MYBPC1: variants seen among roughly 807,000 people sequenced by gnomAD.
MYBPC1 encodes myosin-binding protein C, slow-type.
Under a neutral mutation model 147.1 loss-of-function variants are expected in MYBPC1, and 52 were observed. The observed-to-expected ratio is 0.35, with a 90% CI of 0.28 to 0.45. The LOEUF is 0.45. MYBPC1 is among the 20% of genes least tolerant of loss of function. The pLI, the probability that MYBPC1 is intolerant of heterozygous loss-of-function variation, is 1.00. For missense variants in MYBPC1, 1,228 were observed against 1,440.3 expected (o/e 0.85, Z 2.39); for synonymous variants, 477 against 475.9 (o/e 1.00, Z -0.03).
At chr12:101,623,998 C>T (rs1027976476) in intron 3 of MYBPC1, among the ~76,000 whole-genome samples, 5 of 152,066 alleles carry the variant, frequency 3.3e-5, no homozygotes, top group African/African-American at 1.2e-4. Flanking sequence ...TTGGGAGGTG[C>T]TAACGACCAT....
chr12:101,617,465 C>G (rs1313096022), intron 3 of MYBPC1, among the ~76,000 whole-genome samples: 1 of 152,196 alleles, frequency 6.6e-6, no homozygotes, highest in Non-Finnish European at 1.5e-5. Context: ...ATAAAAATAT[C>G]ACAAGCACTT....
intron 18 of MYBPC1, among the ~76,000 whole-genome samples, chr12:101,658,130 CAAAAA>C (rs34952207): frequency 1.1e-5 from 1 of 90,444 alleles, no homozygotes; most frequent in Admixed American, 1.1e-4. Context: ...GACTCCGTCT[CAAAAA>C]AAAAAAAAAA....
intron 12 of MYBPC1, among the ~76,000 whole-genome samples, chr12:101,645,733 A>G (rs1892959051): frequency 6.6e-6 from 1 of 152,208 alleles, no homozygotes; most frequent in Non-Finnish European, 1.5e-5. Context: ...GAAATTCCCA[A>G]AACAGTGTTT....
downstream of MYBPC1, among the ~76,000 whole-genome samples, chr12:101,686,901 T>C (rs1016339075): frequency 5.9e-5 from 9 of 152,198 alleles, no homozygotes; most frequent in Non-Finnish European, 1.3e-4. Context: ...TGGCTCTATA[T>C]ATCTCTGTTG....
chr12:101,674,011 C>G (rs1028716368), intron 25 of MYBPC1, among the ~76,000 whole-genome samples: 2 of 152,150 alleles, frequency 1.3e-5, no homozygotes, highest in Non-Finnish European at 2.9e-5. Flanking sequence ...TGAGATCATG[C>G]CACTGCACTC....
chr12:101,671,331 A>ACT (rs536485786), intron 24 of MYBPC1, among the ~76,000 whole-genome samples: 4,017 of 117,150 alleles, frequency 0.034, 184 homozygotes, highest in African/African-American at 0.1. Flanking sequence ...ACACACACAC[A>ACT]CACACACTCA....
At chr12:101,629,699 C>T (rs947453263) in intron 6 of MYBPC1, among the ~76,000 whole-genome samples, 155 bp downstream of exon 6, 2 of 152,020 alleles carry the variant, frequency 1.3e-5, no homozygotes, top group Non-Finnish European at 2.9e-5. Flanking sequence ...ATGGTGAAAC[C>T]CAGTCCCTAC....
chr12:101,631,978 A>G (rs1229098041), intron 7 of MYBPC1, 43 bp from the exon 8 acceptor site: 18 of 1,518,592 alleles, frequency 1.2e-5, no homozygotes, highest in Non-Finnish European at 1.6e-5. Flanking sequence ...AGAAATTTGG[A>G]AAATAAACTG....
chr12:101,669,928 GAAA>G (rs759220214), intron 23 of MYBPC1: 2 of 175,664 alleles, frequency 1.1e-5, no homozygotes, highest in South Asian at 4.1e-5. Context: ...GAGACTCTCT[GAAA>G]AAAAAAAAGA....
chr12:101,666,444 C>G lies in MYBPC1; in HGVS notation c.2357-1288C>G, dbSNP rs1897430298. 1.3e-5 allele frequency: 5 copies of G among 379,376 alleles called. 1 individual carries two copies. Among genetic ancestry groups the G allele is most frequent in the South Asian group, 1.2e-4 (5 of 42,832 alleles). The allele number at this position is 379,376 out of a possible 1,614,324, so 23.5% of individuals were successfully genotyped here. ...AGGGTCTTGCTTTGTTCTTCTCTAT[C>G]TCTTCTTCCCACCACTGGAGGTGTC... On this transcript the variant is annotated intron_variant, in intron 22 of 31. Transcript: ENST00000361466.
downstream of MYBPC1, among the ~76,000 whole-genome samples, chr12:101,688,953 CA>C (rs748533294): frequency 0.085 from 5,817 of 68,198 alleles, 211 homozygotes; most frequent in South Asian, 0.13. Flanking sequence ...GACCGTATCT[CA>C]AAAAAAAAAA....
At chr12:101,677,728 T>A (rs558920117) in intron 27 of MYBPC1, among the ~76,000 whole-genome samples, 80 of 152,344 alleles carry the variant, frequency 5.3e-4, no homozygotes, top group African/African-American at 1.8e-3. Context: ...TAGCTACACA[T>A]GGGACCCACT....
intron 9 of MYBPC1, among the ~76,000 whole-genome samples, chr12:101,636,106 T>C (rs1890933612): frequency 6.6e-6 from 1 of 152,216 alleles, no homozygotes; most frequent in South Asian, 2.1e-4. Flanking sequence ...CAGAAAGGAA[T>C]GCATCTTTTA....
Position 101,634,537 on chromosome 12 carries a change from T to C in MYBPC1, c.557-17T>C. 6.2e-7 allele frequency: 1 copy of C among 1,604,994 alleles called. No homozygotes were observed. The highest frequency in any genetic ancestry group is 2.2e-5 in the East Asian group (1 of 44,814). Reference sequence around the variant, plus strand: ...CCTTAATGGGTATTTATGTTATTGTTTTCTTTCCTTTCAAAGAATCTACTG... The same window carrying C: ...CCTTAATGGGTATTTATGTTATTGTCTTCTTTCCTTTCAAAGAATCTACTG... On this transcript the variant is annotated splice_polypyrimidine_tract_variant and intron_variant, in intron 8 of 31. Transcript: ENST00000361466.
chr12:101,634,810 G>A (rs1046599985), intron 9 of MYBPC1, among the ~76,000 whole-genome samples: 1 of 152,190 alleles, frequency 6.6e-6, no homozygotes, highest in Non-Finnish European at 1.5e-5. Context: ...TTTTTAGAAT[G>A]TTCTTGTTAT....
chr12:101,618,050 AG>A (rs1164454610), intron 3 of MYBPC1, among the ~76,000 whole-genome samples: 2 of 152,212 alleles, frequency 1.3e-5, no homozygotes, highest in Non-Finnish European at 2.9e-5. Context: ...TGAATAAAAA[AG>A]TTTAAATTTT....
chr12:101,669,849 A>G (rs1006919051), intron 23 of MYBPC1: 5 of 264,488 alleles, frequency 1.9e-5, no homozygotes, highest in Non-Finnish European at 3.6e-5. Flanking sequence ...AGACATGAGA[A>G]TCGCTTGAAC....
intron 1 of MYBPC1, among the ~76,000 whole-genome samples, chr12:101,604,624 T>A (rs145344335): frequency 2.9e-3 from 445 of 152,310 alleles, no homozygotes; most frequent in African/African-American, 0.01. Context: ...TGGATATAAT[T>A]TGTCTTAAAT....
chr12:101,678,391 C>T (rs1470934334), intron 28 of MYBPC1, among the ~76,000 whole-genome samples, 153 bp downstream of exon 28: 1 of 152,222 alleles, frequency 6.6e-6, no homozygotes, highest in Non-Finnish European at 1.5e-5. Flanking sequence ...ATTAGGCACA[C>T]TATTCAGATG....
Sources: allele counts gnomAD v4.1 joint callset (sites outside exome capture counted in the v4.1 genomes callset), GRCh38; gene constraint gnomAD v4.1.1; transcripts MANE v1.5; gene names NCBI Gene and HGNC (gene_info 2026-07-23, HGNC 2026-07-21).